The following IPCEF1 variants were observed in gnomAD, a reference collection of about 807,000 sequenced individuals.
IPCEF1 encodes the protein interaction protein for cytohesin exchange factors 1.
IPCEF1 carries 31 observed loss-of-function variants against 50.9 expected under a neutral mutation model. That is an observed-to-expected ratio of 0.61 (90% CI 0.46 to 0.82). The LOEUF (loss-of-function observed/expected upper bound fraction) is 0.82. Among genes scored for constraint, IPCEF1 ranks in the 40% least tolerant of loss-of-function variants. The pLI is 0.00. For synonymous variants in IPCEF1, 181 were observed against 192.0 expected (o/e 0.94, Z 0.47); for missense variants, 458 against 514.0 (o/e 0.89, Z 1.05).
chr6:154,261,974 G>A (rs1292960822), intron 3 of IPCEF1, among the ~76,000 whole-genome samples: 1 of 152,092 alleles, frequency 6.6e-6, no homozygotes, highest in Non-Finnish European at 1.5e-5. Flanking sequence ...AAACTACCTA[G>A]CATAAAAATA....
chr6:154,201,570 T>G (rs931809918), intron 9 of IPCEF1, among the ~76,000 whole-genome samples: 1 of 152,158 alleles, frequency 6.6e-6, no homozygotes, highest in Non-Finnish European at 1.5e-5. Flanking sequence ...CATCATCCTA[T>G]GGGACATGCC....
At chr6:154,195,791 AT>A (rs34769762) in intron 10 of IPCEF1, among the ~76,000 whole-genome samples, 79,666 of 130,472 alleles carry the variant, frequency 0.61, 23,186 homozygotes, top group East Asian at 0.84. Flanking sequence ...CTTGTTCACA[AT>A]TTTTTTTTTT....
chr6:154,272,169 A>G (rs1261392846), intron 2 of IPCEF1, among the ~76,000 whole-genome samples: 4 of 152,232 alleles, frequency 2.6e-5, no homozygotes, highest in Non-Finnish European at 5.9e-5. Flanking sequence ...ATTAAACGAG[A>G]TATCATATGG....
chr6:154,281,166 C>T (rs1254815497), intron 2 of IPCEF1, among the ~76,000 whole-genome samples: 2 of 146,770 alleles, frequency 1.4e-5, no homozygotes, highest in Admixed American at 1.3e-4. Context: ...ATGGTGAAAC[C>T]CCGTTCCTAC....
At chr6:154,181,896 T>G (rs942733307) in intron 10 of IPCEF1, among the ~76,000 whole-genome samples, 2 of 152,176 alleles carry the variant, frequency 1.3e-5, no homozygotes, top group Admixed American at 6.5e-5. Context: ...TGTACAAGAC[T>G]GCAGCCATGT....
intron 2 of IPCEF1, among the ~76,000 whole-genome samples, chr6:154,285,087 T>A (rs1782327796): frequency 6.6e-6 from 1 of 152,202 alleles, no homozygotes. Context: ...CTGTGCCTCA[T>A]TAAGTATTAA....
At chr6:154,203,219 C>T (rs895271194) in intron 9 of IPCEF1, among the ~76,000 whole-genome samples, 2 of 152,142 alleles carry the variant, frequency 1.3e-5, no homozygotes, top group South Asian at 2.1e-4. Context: ...CTCTCCTCTC[C>T]GCCCCACCTC....
chr6:154,202,697 A>G (rs891342142), intron 9 of IPCEF1, among the ~76,000 whole-genome samples: 1 of 152,202 alleles, frequency 6.6e-6, no homozygotes, highest in African/African-American at 2.4e-5. Context: ...AACTCTGCTT[A>G]AAGTATCAAG....
intron 10 of IPCEF1, among the ~76,000 whole-genome samples, chr6:154,193,748 AAGG>A (rs1263090747): frequency 6.6e-6 from 1 of 152,236 alleles, no homozygotes; most frequent in African/African-American, 2.4e-5. Flanking sequence ...CCAGACAGAC[AAGG>A]AGGAGAGGCC....
chr6:154,292,963 C>T (rs969847801), intron 1 of IPCEF1, among the ~76,000 whole-genome samples: 1 of 152,226 alleles, frequency 6.6e-6, no homozygotes, highest in African/African-American at 2.4e-5. Context: ...CTTCCTCCTA[C>T]ATTCCAAAGC....
At chr6:154,351,478 T>C (rs1784118356) in intron 1 of IPCEF1, among the ~76,000 whole-genome samples, 1 of 152,186 alleles carries the variant, frequency 6.6e-6, no homozygotes, top group Admixed American at 6.5e-5. Flanking sequence ...AAAGAACAAC[T>C]CCTTTCCACT....
intron 11 of IPCEF1, among the ~76,000 whole-genome samples, chr6:154,162,147 C>A (rs917432993): frequency 1.3e-5 from 2 of 152,190 alleles, no homozygotes; most frequent in African/African-American, 4.8e-5. Flanking sequence ...AAAGGCCAAT[C>A]CCTCCACTTG....
chr6:154,172,462 C>G (rs9479775), intron 10 of IPCEF1, among the ~76,000 whole-genome samples: 11,935 of 152,244 alleles, frequency 0.078, 627 homozygotes, highest in African/African-American at 0.14. Context: ...CCACAGTCTT[C>G]GCAACCAGCA....
intron 2 of IPCEF1, among the ~76,000 whole-genome samples, chr6:154,274,571 C>A (rs1782006609): frequency 6.6e-6 from 1 of 152,220 alleles, no homozygotes; most frequent in Admixed American, 6.5e-5. Flanking sequence ...AAGGGCCTAC[C>A]AAATGCCAAT....
intron 10 of IPCEF1, among the ~76,000 whole-genome samples, chr6:154,198,819 G>A (rs1321258223): frequency 1.3e-5 from 2 of 152,108 alleles, no homozygotes; most frequent in South Asian, 4.1e-4. Context: ...AGACACTCTG[G>A]CAAGTGATTA....
At chr6:154,210,103 C>T (rs1412473806) in intron 9 of IPCEF1, among the ~76,000 whole-genome samples, 2 of 152,166 alleles carry the variant, frequency 1.3e-5, no homozygotes, top group African/African-American at 2.4e-5. Context: ...TGAGCCATGA[C>T]CCCTTGTCTA....
At chr6:154,337,935 T>C (rs2179538) in intron 1 of IPCEF1, among the ~76,000 whole-genome samples, 19,178 of 152,138 alleles carry the variant, frequency 0.13, 1,394 homozygotes, top group South Asian at 0.34. Context: ...TAATCCCAGA[T>C]AGTAATACGC....
chr6:154,305,875 T>C (rs1242222805), intron 1 of IPCEF1, among the ~76,000 whole-genome samples: 2 of 152,204 alleles, frequency 1.3e-5, no homozygotes, highest in Non-Finnish European at 2.9e-5. Context: ...CCTTTGGACT[T>C]ACACCAGTGG....
At position 154,214,983 on chromosome 6, in the gene IPCEF1, A is replaced by C. The variant is rs569190507; in HGVS notation, c.393-707T>G. Among the ~76,000 whole-genome samples the C allele has an allele frequency of 2.0e-5, 3 of 152,310 alleles. No individual in the cohort carries two copies. In the South Asian group the frequency reaches 6.2e-4, roughly 32 times the overall value. ...CTTAGGAACATATCTTGAAACACAAATTTTTAAAAGCTGGGACACAAAGTG... is the reference window on the plus strand; with the variant it reads ...CTTAGGAACATATCTTGAAACACAACTTTTTAAAAGCTGGGACACAAAGTG... On this transcript the variant is annotated intron_variant, in intron 7 of 11. Coordinates refer to ENST00000367220, the MANE Select transcript of IPCEF1 (RefSeq NM_001130700.2).
Sources: allele counts gnomAD v4.1 joint callset (sites outside exome capture counted in the v4.1 genomes callset), GRCh38; gene constraint gnomAD v4.1.1; transcripts MANE v1.5; gene names NCBI Gene and HGNC (gene_info 2026-07-23, HGNC 2026-07-21).